The following FAM3D variants were observed in gnomAD, a reference collection of about 807,000 sequenced individuals.
FAM3D encodes protein FAM3D.
A neutral mutation model predicts 29.8 loss-of-function variants in FAM3D; 26 were observed. The observed-to-expected ratio is 0.87, with a 90% CI of 0.64 to 1.21. The LOEUF (loss-of-function observed/expected upper bound fraction) is 1.21, where lower values mean the gene tolerates loss of function less well. Among genes scored for constraint, FAM3D ranks in the 50% most tolerant of loss-of-function variants. The pLI is 0.00. For missense variants in FAM3D, 253 were observed against 290.9 expected, an observed-to-expected ratio of 0.87 and a Z score of 0.95; for synonymous variants, 115 against 102.3, an observed-to-expected ratio of 1.12 and a Z score of -0.75.
chr3:58,637,448 G>A (rs1432485961), intron 7 of FAM3D, among the ~76,000 whole-genome samples: 2 of 152,084 alleles, frequency 1.3e-5, no homozygotes, highest in Non-Finnish European at 2.9e-5. Flanking sequence ...AGGTGATGTG[G>A]GGTGGCTTCT....
chr3:58,661,636 T>G (rs2106953957), intron 1 of FAM3D, among the ~76,000 whole-genome samples: 1 of 152,292 alleles, frequency 6.6e-6, no homozygotes, highest in African/African-American at 2.4e-5. Flanking sequence ...GAGTGGGGGC[T>G]TTGGTGCCCA....
chr3:58,658,604 C>T lies in FAM3D; in HGVS notation c.-38-3003G>A, dbSNP rs78628317. Among the ~76,000 whole-genome samples the T allele has an allele frequency of 3.6e-3, 549 of 152,342 alleles. 1 individual carries two copies. The highest frequency in any genetic ancestry group is 0.013 in the African/African-American group (522 of 41,582). On this transcript the variant is annotated intron_variant, in intron 1 of 9. Coordinates refer to ENST00000358781, the MANE Select transcript of FAM3D (RefSeq NM_138805.3). Reference sequence around the variant, plus strand: ...CTTCTGGGAAGCCTTCCCTGACTCTCTGAGTCAAGGTTCAACACCTACCTG... The same window carrying T: ...CTTCTGGGAAGCCTTCCCTGACTCTTTGAGTCAAGGTTCAACACCTACCTG...
rs1391454196 is a variant in FAM3D, at chr3:58,634,970, G to A, written c.586-602C>T. ...GAAGGAGGGTCACTTGAGGCCAGGA[G>A]TTCAAGACCAGCCTGGGCAACATGG... On this transcript the variant is annotated intron_variant, in intron 9 of 9. Transcript: ENST00000358781. This position sits in a 1 kb window ranked among gnomAD's most constrained non-coding sequence, Gnocchi z 4.6. Among the ~76,000 whole-genome samples, 2 of 152,262 alleles carry A rather than the reference G, an allele frequency of 1.3e-5. No individual in the cohort carries two copies. The highest frequency in any genetic ancestry group is 3.4e-3 in the Middle Eastern group (1 of 294).
rs9311680 is a variant in FAM3D, at chr3:58,637,878, G to GATT, written c.374-656_374-654dup. Among the ~76,000 whole-genome samples the GATT allele has an allele frequency of 4.1e-4, 61 of 148,708 alleles. 1 individual carries two copies. The highest frequency in any genetic ancestry group is 1.7e-3 in the South Asian group (8 of 4,618). Reference sequence around the variant, plus strand: ...GAAGAGGCTGATTTGTTTCCCTTGTGATTATTATTATTATTATTATTCTGA... The same window carrying GATT: ...GAAGAGGCTGATTTGTTTCCCTTGTGATTATTATTATTATTATTATTATTCTGA... On this transcript the variant is annotated intron_variant, in intron 7 of 9. Coordinates refer to ENST00000358781, the MANE Select transcript of FAM3D (RefSeq NM_138805.3).
chr3:58,650,460 T>C (rs2066604389), intron 3 of FAM3D, among the ~76,000 whole-genome samples: 1 of 152,032 alleles, frequency 6.6e-6, no homozygotes. Context: ...AGGGAGAAGA[T>C]AAGCATCGGG....
At chr3:58,640,026 C>A (rs2066283194) in intron 7 of FAM3D, 101 bp downstream of exon 7, 1 of 1,284,628 alleles carries the variant, frequency 7.8e-7, no homozygotes, top group Non-Finnish European at 1.1e-6. Flanking sequence ...TGGAAAGAAG[C>A]ACCAGGTACC....
intron 8 of FAM3D, among the ~76,000 whole-genome samples, chr3:58,636,644 T>C (rs1416849629): frequency 6.6e-6 from 1 of 152,204 alleles, no homozygotes; most frequent in Non-Finnish European, 1.5e-5. Context: ...AAAACAGTAC[T>C]GCTCTATTTA....
At chr3:58,659,547 C>T (rs1051674997) in intron 1 of FAM3D, among the ~76,000 whole-genome samples, 1 of 152,310 alleles carries the variant, frequency 6.6e-6, no homozygotes, top group East Asian at 1.9e-4. Context: ...GCTCCTGGCC[C>T]GGCATTCTGT....
At chr3:58,639,379 C>T (rs1365236865) in intron 7 of FAM3D, among the ~76,000 whole-genome samples, 1 of 152,194 alleles carries the variant, frequency 6.6e-6, no homozygotes, top group Non-Finnish European at 1.5e-5. Context: ...GCTCAAGAGG[C>T]ATCACTTGCT....
intron 1 of FAM3D, among the ~76,000 whole-genome samples, chr3:58,660,789 C>G (rs1334037487): frequency 1.3e-5 from 2 of 152,152 alleles, no homozygotes; most frequent in African/African-American, 2.4e-5. Flanking sequence ...ACGCCACATG[C>G]CAGATACTAC....
chr3:58,651,847 G>T (rs2066646131), intron 3 of FAM3D, among the ~76,000 whole-genome samples: 1 of 150,474 alleles, frequency 6.6e-6, no homozygotes, highest in Non-Finnish European at 1.5e-5. Context: ...GGGCGCGGGG[G>T]TGGGGACACT....
At chr3:58,643,410 TC>T (rs1156648738) in intron 6 of FAM3D, among the ~76,000 whole-genome samples, 2 of 152,254 alleles carry the variant, frequency 1.3e-5, no homozygotes, top group African/African-American at 4.8e-5. Flanking sequence ...TCACTCATGT[TC>T]CATAGGAGAA....
At chr3:58,663,392 G>A (rs371306266) in intron 1 of FAM3D, among the ~76,000 whole-genome samples, 11 of 152,306 alleles carry the variant, frequency 7.2e-5, no homozygotes, top group African/African-American at 2.6e-4. Context: ...GGTGTCATGT[G>A]AGCCCCCAGA....
intron 7 of FAM3D, 104 bp from the exon 8 acceptor site, chr3:58,637,329 G>T: frequency 9.4e-7 from 1 of 1,060,480 alleles, no homozygotes; most frequent in Non-Finnish European, 1.4e-6. Context: ...TAGGCCCGGT[G>T]GACACTGGGC....
chr3:58,649,251 G>C, intron 4 of FAM3D, 64 bp downstream of exon 4: 2 of 1,587,346 alleles, frequency 1.3e-6, no homozygotes, highest in East Asian at 2.2e-5. Flanking sequence ...TTGCCCTAGG[G>C]CAAATGGGAG....
At chr3:58,652,886 A>ATCCG (rs1310367577) in intron 3 of FAM3D, among the ~76,000 whole-genome samples, 1 of 147,790 alleles carries the variant, frequency 6.8e-6, no homozygotes, top group Non-Finnish European at 1.5e-5. Context: ...CCATCCATCC[A>ATCCG]TCCATCCATC....
chr3:58,655,962 A>G (rs1360855785), intron 1 of FAM3D, among the ~76,000 whole-genome samples: 1 of 152,090 alleles, frequency 6.6e-6, no homozygotes, highest in Non-Finnish European at 1.5e-5. Flanking sequence ...TCAACCCATC[A>G]GTTGATTAAT....
intron 4 of FAM3D, among the ~76,000 whole-genome samples, chr3:58,645,947 T>C (rs925578340): frequency 3.9e-5 from 6 of 152,210 alleles, no homozygotes; most frequent in Admixed American, 2.0e-4. Context: ...GGGACTCTCC[T>C]GAGAACCTCT....
At chr3:58,643,611 A>G (rs1401739970) in intron 6 of FAM3D, 51 bp downstream of exon 6, 28 of 1,567,044 alleles carry the variant, frequency 1.8e-5, no homozygotes, top group Non-Finnish European at 2.4e-5. Context: ...GCTACCCCCT[A>G]CCCTCCCTGG....
Sources: allele counts gnomAD v4.1 joint callset (sites outside exome capture counted in the v4.1 genomes callset), GRCh38; gene constraint gnomAD v4.1.1; non-coding constraint Gnocchi (gnomAD v3.1); transcripts MANE v1.5; gene names NCBI Gene and HGNC (gene_info 2026-07-23, HGNC 2026-07-21).